RPGR: variants seen among roughly 807,000 people sequenced by gnomAD.
RPGR encodes the protein X-linked retinitis pigmentosa GTPase regulator.
Under a neutral mutation model 56.3 loss-of-function variants are expected in RPGR, and 10 were observed. The ratio of observed to expected loss-of-function variants is 0.18; its 90% CI spans 0.11 to 0.30. RPGR has a LOEUF of 0.30. Among genes scored for constraint, RPGR ranks in the 10% least tolerant of loss-of-function variants. The pLI, the probability that RPGR is intolerant of heterozygous loss-of-function variation, is 1.00. For missense variants in RPGR, 538 were observed against 590.9 expected (o/e 0.91, Z 0.93); for synonymous variants, 197 against 212.9 (o/e 0.93, Z 0.65).
intron 18 of RPGR, among the ~76,000 whole-genome samples, chrX:38,270,137 A>G (rs2066812270): frequency 9.0e-6 from 1 of 111,664 alleles, no homozygotes; most frequent in Admixed American, 9.5e-5. Flanking sequence ...TGTAAGAGAA[A>G]AAATATATAA....
chrX:38,327,319 A>G (rs1453850217), intron 1 of RPGR, 21 bp downstream of exon 1: 1 of 1,178,980 alleles, frequency 8.5e-7, no homozygotes, highest in Non-Finnish European at 1.1e-6. Flanking sequence ...GCCTTCCGCC[A>G]CCGGCGCGGG....
intron 15 of RPGR, among the ~76,000 whole-genome samples, chrX:38,278,523 G>A (rs940547140): frequency 8.0e-5 from 9 of 112,531 alleles, no homozygotes; most frequent in Admixed American, 4.7e-4. Flanking sequence ...TTACAAGCGT[G>A]AGCCACCACG....
At chrX:38,284,528 A>G in intron 15 of RPGR, 1 of 748,619 alleles carries the variant, frequency 1.3e-6, no homozygotes, top group Non-Finnish European at 1.6e-6. Context: ...AGGCTCTGAT[A>G]AAGTACAGTT....
In RPGR at chrX:38,276,614, A is replaced by C. The variant is rs1327348919; in HGVS notation, c.2064T>G (p.Asp688Glu). 8.3e-7 allele frequency: 1 copy of C among 1,209,497 alleles called. No individual in the cohort carries two copies. The highest frequency in any genetic ancestry group is 1.1e-6 in the Non-Finnish European group (1 of 894,990). ...TTTCAATAGTTTCAGCTGAGCTATC[A>C]TCATTGGTTCTTTCTGCTCCTTCTG... is the stretch of plus-strand genomic sequence containing the variant. Residue 688 changes from aspartate to glutamate, a missense_variant, in exon 16 of 19, where the codon GAT (aspartate) becomes GAG (glutamate). Physicochemically the swap from Asp to Glu is conservative, Grantham distance 45. Coordinates refer to ENST00000642395, the MANE Select transcript of RPGR (RefSeq NM_000328.3).
intron 7 of RPGR, among the ~76,000 whole-genome samples, chrX:38,306,811 C>T (rs1478953785): frequency 4.5e-5 from 5 of 112,164 alleles, no homozygotes; most frequent in Non-Finnish European, 9.4e-5. Context: ...GTTCAGTATC[C>T]TGGTAGGTTC....
intron 8 of RPGR, among the ~76,000 whole-genome samples, chrX:38,301,820 C>T (rs1209800655): frequency 3.6e-5 from 4 of 110,998 alleles, no homozygotes; most frequent in South Asian, 3.9e-4. Flanking sequence ...AATTCATGGT[C>T]GTGTGGGTCT....
At position 38,297,402 on chromosome X, in the gene RPGR, T is replaced by A. The variant is rs28718831; in HGVS notation, c.1296A>T (p.Glu432Asp). 1,520 of 1,206,029 alleles carry A rather than the reference T, an allele frequency of 1.3e-3. 13 individuals are homozygous for A. In the African/African-American group the frequency reaches 0.024, roughly 19 times the overall value. Residue 432 changes from glutamate (E) to aspartate (D), a missense_variant, in exon 11 of 19, where the codon GAA becomes GAT. Physicochemically the swap from Glu to Asp is conservative, Grantham distance 45. Transcript: ENST00000642395. Reference sequence around the variant, plus strand: ...AACAAGCAGAAAGGCCAAGAGTCCCTTCTATTGGAGGTAGTGTTCTCCTCA... The same window carrying A: ...AACAAGCAGAAAGGCCAAGAGTCCCATCTATTGGAGGTAGTGTTCTCCTCA...
intron 18 of RPGR, among the ~76,000 whole-genome samples, chrX:38,270,313 C>CA (rs928081920): frequency 1.8e-5 from 2 of 108,981 alleles, no homozygotes; most frequent in African/African-American, 6.7e-5. Context: ...GAACTTCTGG[C>CA]AAAAAAGTTA....
rs201674056 is a variant in RPGR, at chrX:38,317,515, C to T, written c.470-50G>A. 3 of 1,073,563 alleles carry T rather than the reference C, an allele frequency of 2.8e-6. No homozygotes were observed. The East Asian group carries it at 9.4e-5, about 34-fold the overall frequency. 88.5% of individuals were successfully genotyped at this position (1,073,563 alleles called of 1,213,427 possible). ...GAAAAGGTTTTAAAAGGTAGCCAGG[C>T]TCTGAAGCTATTATACTTCCAAAAG... On this transcript the variant is annotated intron_variant, in intron 5 of 18. Transcript: ENST00000642395.
intron 15 of RPGR, among the ~76,000 whole-genome samples, chrX:38,280,126 C>T (rs2067004632): frequency 9.0e-6 from 1 of 110,882 alleles, no homozygotes; most frequent in Non-Finnish European, 1.9e-5. Flanking sequence ...TTAGCAATAC[C>T]TACCTCAGAG....
At chrX:38,324,619 C>A (rs763009289) in intron 1 of RPGR, among the ~76,000 whole-genome samples, 46 of 108,581 alleles carry the variant, frequency 4.2e-4, no homozygotes, top group South Asian at 1.3e-3. Context: ...TAGCCCAGAG[C>A]CTAGCATCCT....
chrX:38,291,802 A>G (rs1302842701), intron 11 of RPGR, among the ~76,000 whole-genome samples: 1 of 112,125 alleles, frequency 8.9e-6, no homozygotes, highest in Non-Finnish European at 1.9e-5. Flanking sequence ...GAAGGGCCCC[A>G]ATGACCTACA....
chrX:38,319,607 C>T (rs148341811), intron 4 of RPGR, among the ~76,000 whole-genome samples: 104 of 111,995 alleles, frequency 9.3e-4, no homozygotes, highest in African/African-American at 3.1e-3. Flanking sequence ...CCTCATTTTC[C>T]TCATCTATAA....
intron 9 of RPGR, among the ~76,000 whole-genome samples, chrX:38,300,447 C>G (rs1471175868): frequency 1.8e-5 from 2 of 111,973 alleles, no homozygotes; most frequent in Non-Finnish European, 3.8e-5. Flanking sequence ...AGAAACAATA[C>G]AGGTATGATG....
intron 15 of RPGR, among the ~76,000 whole-genome samples, chrX:38,277,589 A>T (rs894810181): frequency 3.6e-5 from 4 of 111,459 alleles, no homozygotes; most frequent in African/African-American, 1.3e-4. Flanking sequence ...TAAAGTTATA[A>T]CTTTATAGTT....
intron 15 of RPGR, among the ~76,000 whole-genome samples, chrX:38,278,237 C>T (rs1194421817): frequency 1.8e-5 from 2 of 111,561 alleles, no homozygotes; most frequent in South Asian, 3.7e-4. Context: ...TGATTCCAAC[C>T]GCCTGTTTTT....
At chrX:38,310,858 G>C in intron 6 of RPGR, 85 bp from the exon 7 acceptor site, 1 of 841,948 alleles carries the variant, frequency 1.2e-6, no homozygotes, top group East Asian at 3.2e-5. Flanking sequence ...GTTTTGACAA[G>C]GATCACTTAA....
intron 8 of RPGR, 69 bp downstream of exon 8, chrX:38,304,566 A>G: frequency 3.4e-6 from 3 of 877,984 alleles, no homozygotes; most frequent in East Asian, 6.8e-5. Context: ...CATTCATTTC[A>G]CATATAATTT....
chrX:38,323,585 A>C lies in RPGR; in HGVS notation c.29-61T>G. The C allele has an allele frequency of 2.6e-6, 3 of 1,149,990 alleles. No homozygotes were observed. The South Asian group carries it at 5.5e-5, about 21-fold the overall frequency. The allele number at this position is 1,149,990 out of a possible 1,213,427, so 94.8% of individuals were successfully genotyped here. ...TACTATGTTGCCTGTTATTAAAATA[A>C]CTTTTGAGTAATTTATCCATACAAA... On this transcript the variant is annotated intron_variant, in intron 1 of 18. Coordinates refer to ENST00000642395, the MANE Select transcript of RPGR (RefSeq NM_000328.3).
Sources: gnomAD v4.1 joint callset for allele counts (sites outside exome capture counted in the v4.1 genomes callset) on GRCh38, gnomAD v4.1.1 for gene constraint, MANE v1.5 for transcripts, NCBI Gene and HGNC (gene_info 2026-07-23, HGNC 2026-07-21) for gene names.